KIF26A: variants seen among roughly 807,000 people sequenced by gnomAD.
KIF26A encodes kinesin family member 26A.
KIF26A carries 74 observed loss-of-function variants against 126.0 expected under a neutral mutation model. That is an observed-to-expected ratio of 0.59 (90% CI 0.49 to 0.71). The LOEUF (loss-of-function observed/expected upper bound fraction) is 0.71, where lower values mean the gene tolerates loss of function less well. KIF26A is among the 30% of genes least tolerant of loss of function. The probability of loss-of-function intolerance (pLI) is 0.00; values close to 1 mark genes in which losing one functional copy is unlikely to be tolerated. For synonymous variants in KIF26A, 1,445 were observed against 1,232.7 expected (o/e 1.17, Z -3.61); for missense variants, 2,984 against 2,763.3 (o/e 1.08, Z -1.79).
At chr14:104,157,987 T>C (rs750342477) in intron 4 of KIF26A, 45 bp downstream of exon 4, 18 of 1,452,584 alleles carry the variant, frequency 1.2e-5, no homozygotes, top group Non-Finnish European at 1.6e-5. Context: ...CAGGGCCCCA[T>C]GGCCCCGGCT....
At chr14:104,165,721 CTG>C (rs1485181330) in intron 4 of KIF26A, among the ~76,000 whole-genome samples, 2 of 149,562 alleles carry the variant, frequency 1.3e-5, no homozygotes, top group Non-Finnish European at 1.5e-5. Flanking sequence ...ATATGTGTGT[CTG>C]TGTGTTTCTG....
chr14:104,146,306 A>G (rs940443978), intron 2 of KIF26A, among the ~76,000 whole-genome samples: 3 of 151,838 alleles, frequency 2.0e-5, no homozygotes, highest in African/African-American at 7.3e-5. Context: ...TGATTGGGAG[A>G]AGGCTCGTCC....
In KIF26A at chr14:104,166,881, G is replaced by C. The variant is rs746308405; in HGVS notation, c.946G>C (p.Ala316Pro). 1.1e-4 allele frequency: 175 copies of C among 1,581,076 alleles called. No individual in the cohort carries two copies. Among genetic ancestry groups the C allele is most frequent in the Non-Finnish European group, 1.4e-4 (164 of 1,164,774 alleles). The change falls in exon 5 of 15, where the codon GCC becomes CCC. Residue 316 changes from alanine to proline, a missense_variant. Transcript: ENST00000423312. Reference sequence around the variant, plus strand: ...CAGGGCTATGCAGAAGCTCAGCCTGGCCTCCAAGAGGAAGAAGCCCCACCC... The same window carrying C: ...CAGGGCTATGCAGAAGCTCAGCCTGCCCTCCAAGAGGAAGAAGCCCCACCC... ...FIRAMQKLSL[A>P]SKRKKPHPPP... is the part of the protein sequence containing the mutation.
At chr14:104,166,031 A>C (rs1307643994) in intron 4 of KIF26A, among the ~76,000 whole-genome samples, 1 of 152,062 alleles carries the variant, frequency 6.6e-6, no homozygotes, top group African/African-American at 2.4e-5. Flanking sequence ...CCCTGGGGGC[A>C]CTGTGGGTGC....
rs976667882 is a variant in KIF26A, at chr14:104,180,845, T to C, written c.*1055T>C. On this transcript the variant is annotated 3_prime_UTR_variant, in exon 15 of 15. Transcript: ENST00000423312. Reference sequence around the variant, plus strand: ...CTGAACCTTTGTACAAATGTGTAGATGACATCTTGCTACAGCTTTTATTTG... The same window carrying C: ...CTGAACCTTTGTACAAATGTGTAGACGACATCTTGCTACAGCTTTTATTTG... 6.5e-6 allele frequency: 1 copy of C among 153,818 alleles called. No individual in the cohort carries two copies. The highest frequency in any genetic ancestry group is 2.4e-5 in the African/African-American group (1 of 41,516). The allele number at this position is 153,818 out of a possible 1,614,324, so 9.5% of individuals were successfully genotyped here.
chr14:104,149,273 G>A (rs568411689), intron 2 of KIF26A, among the ~76,000 whole-genome samples: 1 of 152,284 alleles, frequency 6.6e-6, no homozygotes, highest in South Asian at 2.1e-4. Context: ...GGGTTGGGTG[G>A]TGAGAGTCCC....
intron 1 of KIF26A, 42 bp from the exon 2 acceptor site, chr14:104,139,001 C>T: frequency 2.3e-6 from 3 of 1,324,298 alleles, no homozygotes; most frequent in Non-Finnish European, 2.9e-6. Context: ...ATCCGACGGA[C>T]GTCCCAGGCT....
Position 104,178,684 on chromosome 14 carries a change from A to G in KIF26A, c.5245A>G (p.Lys1749Glu). The G allele has an allele frequency of 1.3e-6, 2 of 1,563,288 alleles. No individual in the cohort carries two copies. The highest frequency in any genetic ancestry group is 8.7e-7 in the Non-Finnish European group (1 of 1,154,530). Residue 1749 changes from lysine (K) to glutamate (E), a missense_variant, in exon 13 of 15, where the codon AAG becomes GAG. Lys to Glu is a moderately conservative substitution (Grantham distance 56). Transcript: ENST00000423312. The stretch of plus-strand genomic sequence containing the variant: ...CTCCCTGAAGGAGCCGTTCGAGATC[A>G]AGGTGTACGAGATCGATGACGTGGA... ...AGSLKEPFEI[K>E]VYEIDDVERL...
rs776724325 is a variant in KIF26A at position 104,166,871 on chromosome 14, G to C, written c.936G>C (p.Lys312Asn). Reference sequence around the variant, plus strand: ...CTCTCCTCCCCAGGGCTATGCAGAAGCTCAGCCTGGCCTCCAAGAGGAAGA... The same window carrying C: ...CTCTCCTCCCCAGGGCTATGCAGAACCTCAGCCTGGCCTCCAAGAGGAAGA... Reference protein sequence around the residue: ...AASFFIRAMQKLSLASKRKKP... With the variant: ...AASFFIRAMQNLSLASKRKKP... Residue 312 changes from lysine (K) to asparagine (N), a missense_variant, in exon 5 of 15, where the codon AAG (lysine) becomes AAC (asparagine). Transcript: ENST00000423312. 8.9e-6 allele frequency: 14 copies of C among 1,576,554 alleles called. No individual in the cohort carries two copies. Among genetic ancestry groups the C allele is most frequent in the Non-Finnish European group, 1.1e-5 (13 of 1,162,440 alleles).
chr14:104,179,233 C>T lies in KIF26A; in HGVS notation c.5317-3C>T. On this transcript the variant is annotated splice_polypyrimidine_tract_variant and splice_region_variant and intron_variant, in intron 13 of 14. Coordinates refer to ENST00000423312, the MANE Select transcript of KIF26A (RefSeq NM_015656.2). ...CTGAGCCCCCGCCCGCCCTGCCTCC[C>T]AGGGTCTGGCGTGCGTCAGTACAAG... 1.4e-6 allele frequency: 2 copies of T among 1,469,666 alleles called. No homozygotes were observed. The highest frequency in any genetic ancestry group is 1.4e-5 in the South Asian group (1 of 73,802). 91.0% of individuals were successfully genotyped at this position (1,469,666 alleles called of 1,614,324 possible). A position where few individuals can be genotyped will look rare whatever the true frequency, so the allele number is the denominator to read the frequency against.
Position 104,176,103 on chromosome 14 carries a change from T to C in KIF26A, c.3315T>C (p.Ser1105=). 1.3e-6 allele frequency: 2 copies of C among 1,584,820 alleles called. No individual in the cohort carries two copies. Among genetic ancestry groups the C allele is most frequent in the Non-Finnish European group, 1.7e-6 (2 of 1,166,496 alleles). ...PLEGAAWAGS[S]HGSSISSWLS... is the part of the protein sequence containing the mutation. ...AGGGGGCAGCCTGGGCCGGCAGCAG[T>C]CACGGCTCCTCCATCAGCTCCTGGC... Residue 1105 remains serine, a synonymous_variant, in exon 12 of 15, where the codon AGT becomes AGC. Coordinates refer to ENST00000423312, the MANE Select transcript of KIF26A (RefSeq NM_015656.2).
rs1181274585 is a variant in KIF26A, at chr14:104,179,854, C to T, written c.*64C>T. On this transcript the variant is annotated 3_prime_UTR_variant, in exon 15 of 15. Coordinates refer to ENST00000423312, the MANE Select transcript of KIF26A (RefSeq NM_015656.2). ...CTGGAGGACGGGACGTGGGACGGAG[C>T]GAGGATGTGGTGGGGGCTGCGGGGG... 9.5e-6 allele frequency: 13 copies of T among 1,368,906 alleles called. No individual in the cohort carries two copies. Among genetic ancestry groups the T allele is most frequent in the South Asian group, 1.7e-5 (1 of 59,994 alleles). 84.8% of individuals were successfully genotyped at this position (1,368,906 alleles called of 1,614,324 possible). A position where few individuals can be genotyped will look rare whatever the true frequency, so the allele number is the denominator to read the frequency against.
At chr14:104,166,302 A>G (rs1366922518) in intron 4 of KIF26A, among the ~76,000 whole-genome samples, 1 of 152,110 alleles carries the variant, frequency 6.6e-6, no homozygotes, top group Non-Finnish European at 1.5e-5. Flanking sequence ...AGCAGGATTA[A>G]TTGAGCCCTT....
intron 3 of KIF26A, among the ~76,000 whole-genome samples, chr14:104,154,567 T>G (rs527656497): frequency 2.2e-4 from 34 of 152,312 alleles, no homozygotes; most frequent in Admixed American, 7.8e-4. Flanking sequence ...GGGCAGAAGC[T>G]GCCCACGGAG....
At chr14:104,162,756 T>C (rs893134869) in intron 4 of KIF26A, among the ~76,000 whole-genome samples, 2 of 146,090 alleles carry the variant, frequency 1.4e-5, no homozygotes, top group Non-Finnish European at 3.0e-5. Context: ...CACCCTCCAG[T>C]GAGGGCTGGT....
At chr14:104,160,241 G>A (rs149946597) in intron 4 of KIF26A, among the ~76,000 whole-genome samples, 203 of 152,242 alleles carry the variant, frequency 1.3e-3, no homozygotes, top group African/African-American at 4.7e-3. Flanking sequence ...AAGTGGAGAC[G>A]GAATGGGGTG....
chr14:104,146,268 G>A (rs982652766), intron 2 of KIF26A, among the ~76,000 whole-genome samples: 1 of 152,190 alleles, frequency 6.6e-6, no homozygotes, highest in African/African-American at 2.4e-5. Flanking sequence ...TGTTGGGATG[G>A]TGCCAGGGGC....
intron 4 of KIF26A, among the ~76,000 whole-genome samples, 165 bp from the exon 5 acceptor site, chr14:104,166,694 C>A (rs899347018): frequency 1.3e-5 from 2 of 152,158 alleles, no homozygotes; most frequent in Non-Finnish European, 2.9e-5. Flanking sequence ...CTGAACCGTC[C>A]ACTGTAGAAA....
Position 104,177,465 on chromosome 14 carries a change from G to T in KIF26A, c.4677G>T (p.Ala1559=). ...GRGTVMGTKQ[A]LRAAHSRVHE... ...GTACCGTCATGGGCACAAAGCAGGC[G>T]CTCCGGGCTGCTCACAGCCGCGTCC... The change falls in exon 12 of 15, where the codon GCG becomes GCT. Residue 1559 remains alanine (A), a synonymous_variant. Coordinates refer to ENST00000423312, the MANE Select transcript of KIF26A (RefSeq NM_015656.2). 3 of 1,531,310 alleles carry T rather than the reference G, an allele frequency of 2.0e-6. No homozygotes were observed. Among genetic ancestry groups the T allele is most frequent in the Non-Finnish European group, 2.6e-6 (3 of 1,144,336 alleles). The allele number at this position is 1,531,310 out of a possible 1,614,324, so 94.9% of individuals were successfully genotyped here.
Sources: gnomAD v4.1 joint callset for allele counts (sites outside exome capture counted in the v4.1 genomes callset) on GRCh38, gnomAD v4.1.1 for gene constraint, MANE v1.5 for transcripts, NCBI Gene and HGNC (gene_info 2026-07-23, HGNC 2026-07-21) for gene names.